Variants in TM2D1 observed in about 807,000 individuals in gnomAD.
The protein encoded by TM2D1 is TM2 domain containing 1, also known as TM2 domain-containing protein 1.
In TM2D1, 15 loss-of-function variants were observed where a neutral mutation model predicts 28.4. The ratio of observed to expected loss-of-function variants is 0.53; its 90% confidence interval spans 0.35 to 0.81. TM2D1 has a LOEUF of 0.81. Among genes scored for constraint, TM2D1 ranks in the 40% least tolerant of loss-of-function variants. The pLI is 0.01. For synonymous variants in TM2D1, 93 were observed against 96.2 expected (o/e 0.97, Z 0.20); for missense variants, 236 against 254.9 (o/e 0.93, Z 0.50).
intron 2 of TM2D1, among the ~76,000 whole-genome samples, chr1:61,711,510 G>A (rs576077305): frequency 2.6e-5 from 4 of 151,880 alleles, no homozygotes; most frequent in East Asian, 3.9e-4. Context: ...AATTGGTCAG[G>A]CATGGTGGTG....
chr1:61,691,942 T>TAC (rs1557527348), intron 5 of TM2D1, among the ~76,000 whole-genome samples: 1 of 114,620 alleles, frequency 8.7e-6, no homozygotes, highest in East Asian at 3.3e-4. Context: ...AATATATATA[T>TAC]ATATATATAT....
At chr1:61,683,763 C>G (rs888856007) in intron 5 of TM2D1, 11 of 319,902 alleles carry the variant, frequency 3.4e-5, no homozygotes, top group African/African-American at 1.8e-4. Context: ...CTACAGGAAC[C>G]AAGGACTGAA....
At chr1:61,700,718 T>C (rs1408543057) in intron 4 of TM2D1, among the ~76,000 whole-genome samples, 1 of 152,208 alleles carries the variant, frequency 6.6e-6, no homozygotes, top group Non-Finnish European at 1.5e-5. Flanking sequence ...TGTGTGTGTT[T>C]TCATAAAGGT....
chr1:61,705,811 C>T lies in TM2D1; in HGVS notation c.347+3518G>A, dbSNP rs1644436384. On this transcript the variant is annotated intron_variant, in intron 3 of 6. Transcript: ENST00000606498. ...ACCCAAATGAAGCAATGATGTAATA[C>T]TAACATAGATGGCCAGTGTAAATAG... Among the ~76,000 whole-genome samples, 3 of 152,140 alleles carry T rather than the reference C, an allele frequency of 2.0e-5. No homozygotes were observed. In the South Asian group the frequency reaches 6.2e-4, roughly 32 times the overall value.
In TM2D1 at chr1:61,718,869, C is replaced by T. The variant is rs140298148; in HGVS notation, c.238+4844G>A. Among the ~76,000 whole-genome samples, 305 of 152,064 alleles carry T rather than the reference C, an allele frequency of 2.0e-3. 4 individuals carry two copies. The highest frequency in any genetic ancestry group is 0.01 in the Middle Eastern group (3 of 294). Reference sequence around the variant, plus strand: ...AGACAAAGAAAGTTGTGGAAATGCACCAATTTAAAGAAAACTAAATGTAAA... The same window carrying T: ...AGACAAAGAAAGTTGTGGAAATGCATCAATTTAAAGAAAACTAAATGTAAA... On this transcript the variant is annotated intron_variant, in intron 2 of 6. Coordinates refer to ENST00000606498, the MANE Select transcript of TM2D1 (RefSeq NM_032027.3).
At position 61,724,848 on chromosome 1, in the gene TM2D1, G is replaced by C. The variant is rs546621273; in HGVS notation, c.164+109C>G. On this transcript the variant is annotated intron_variant, in intron 1 of 6. Coordinates refer to ENST00000606498, the MANE Select transcript of TM2D1 (RefSeq NM_032027.3). ...TTCAGTCATTAGAAGCCACAGATCA[G>C]ATTATCGTTTTCACTCAGTACAGCC... 368 of 1,222,468 alleles carry C rather than the reference G, an allele frequency of 3.0e-4. 6 individuals carry two copies. In the South Asian group the frequency reaches 6.5e-3, roughly 21 times the overall value. 75.7% of individuals were successfully genotyped at this position (1,222,468 alleles called of 1,614,324 possible). A position where few individuals can be genotyped will look rare whatever the true frequency, so the allele number is the denominator to read the frequency against.
chr1:61,696,357 G>GC (rs1185471436), intron 4 of TM2D1: 5 of 152,238 alleles, frequency 3.3e-5, no homozygotes, highest in Non-Finnish European at 5.9e-5. Flanking sequence ...TGGCCAACAT[G>GC]GCGAAACCTT....
chr1:61,683,506 TA>T lies in TM2D1; in HGVS notation c.553del (p.Tyr185ThrfsTer9). 6.5e-7 allele frequency: 1 copy of T among 1,545,692 alleles called. No homozygotes were observed. ...CAGTCTTGTAAGTCTGGTTCCATAG[TA>T]ATCTATAATGTAACTACTTCCATCT... ...PSDGSSYIID[Y>X]YGTRLTRLSI... On this transcript the variant is annotated frameshift_variant, in exon 6 of 7. Coordinates refer to ENST00000606498, the MANE Select transcript of TM2D1 (RefSeq NM_032027.3). LOFTEE classifies it high-confidence loss of function.
At chr1:61,723,348 G>T (rs1258568735) in intron 2 of TM2D1, among the ~76,000 whole-genome samples, 1 of 152,196 alleles carries the variant, frequency 6.6e-6, no homozygotes, top group East Asian at 1.9e-4. Flanking sequence ...GATATAAGTG[G>T]AGAGCTAAAG....
rs959533996 is a variant in TM2D1, at chr1:61,705,712, G to A, written c.347+3617C>T. 5.9e-5 allele frequency among the ~76,000 whole-genome samples: 9 copies of A among 152,222 alleles called. No homozygotes were observed. The Middle Eastern group carries it at 0.01, about 173-fold the overall frequency. ...ACTACAGAAAGCAAAGCCAAAAGACGAAAGGAGCAAGGCCCATTCATGACT... is the reference window on the plus strand; with the variant it reads ...ACTACAGAAAGCAAAGCCAAAAGACAAAAGGAGCAAGGCCCATTCATGACT... On this transcript the variant is annotated intron_variant, in intron 3 of 6. Coordinates refer to ENST00000606498, the MANE Select transcript of TM2D1 (RefSeq NM_032027.3).
chr1:61,701,207 A>T (rs1186510067), intron 3 of TM2D1, among the ~76,000 whole-genome samples, 182 bp from the exon 4 acceptor site: 2 of 151,414 alleles, frequency 1.3e-5, no homozygotes, highest in Non-Finnish European at 2.9e-5. Flanking sequence ...AGCAACAAAG[A>T]TCCCTATCCC....
chr1:61,716,418 TATA>T (rs1416731931), intron 2 of TM2D1, among the ~76,000 whole-genome samples: 3 of 142,006 alleles, frequency 2.1e-5, no homozygotes, highest in Non-Finnish European at 4.5e-5. Flanking sequence ...TATATATGTA[TATA>T]ATTATATATA....
intron 3 of TM2D1, among the ~76,000 whole-genome samples, chr1:61,708,955 A>T: frequency 6.6e-6 from 1 of 152,094 alleles, no homozygotes; most frequent in East Asian, 1.9e-4. Context: ...ATGTCAGGCC[A>T]GGAGTTCGAG....
At chr1:61,691,932 A>AAAAAAATAAATATATATATATAT in intron 5 of TM2D1, among the ~76,000 whole-genome samples, 1 of 76,414 alleles carries the variant, frequency 1.3e-5, no homozygotes, top group Non-Finnish European at 2.6e-5. Context: ...AAAAAAAAAA[A>AAAAAAATAAATATATATATATAT]ATATATATAT....
chr1:61,706,028 A>C (rs1644437930), intron 3 of TM2D1, among the ~76,000 whole-genome samples: 1 of 152,206 alleles, frequency 6.6e-6, no homozygotes, highest in Non-Finnish European at 1.5e-5. Context: ...AATGAGTAAG[A>C]ATGTATCGCT....
chr1:61,695,400 T>C (rs773928687), intron 4 of TM2D1, among the ~76,000 whole-genome samples: 42 of 151,096 alleles, frequency 2.8e-4, no homozygotes, highest in Non-Finnish European at 5.9e-4. Flanking sequence ...GATGCTAAAA[T>C]AGATGATAAC....
At chr1:61,684,420 A>G (rs1479388487) in intron 5 of TM2D1, among the ~76,000 whole-genome samples, 1 of 152,098 alleles carries the variant, frequency 6.6e-6, no homozygotes, top group African/African-American at 2.4e-5. Context: ...CCCACTTGTT[A>G]ACAGTAAAGC....
intron 5 of TM2D1, among the ~76,000 whole-genome samples, chr1:61,689,449 T>C (rs779998807): frequency 3.1e-4 from 47 of 152,270 alleles, no homozygotes; most frequent in African/African-American, 5.8e-4. Context: ...CTCTGCAACC[T>C]TGATCGATCT....
intron 2 of TM2D1, among the ~76,000 whole-genome samples, chr1:61,721,089 G>A (rs1340855801): frequency 6.6e-6 from 1 of 152,170 alleles, no homozygotes; most frequent in East Asian, 1.9e-4. Flanking sequence ...AAATTAGCCA[G>A]GTGTAGTGGC....
Sources: allele counts gnomAD v4.1 joint callset (sites outside exome capture counted in the v4.1 genomes callset), GRCh38; gene constraint gnomAD v4.1.1; transcripts MANE v1.5; gene names NCBI Gene and HGNC (gene_info 2026-07-23, HGNC 2026-07-21).